GPAM: variants seen among roughly 807,000 people sequenced by gnomAD.
GPAM encodes the protein glycerol-3-phosphate acyltransferase 1, mitochondrial.
A neutral mutation model predicts 105.0 loss-of-function variants in GPAM; 56 were observed. The ratio of observed to expected loss-of-function variants is 0.53; its 90% CI spans 0.43 to 0.67. GPAM has a LOEUF of 0.67. Ranked by LOEUF, GPAM falls within the 30% of genes least tolerant of loss-of-function variation. The pLI is 0.00. For missense variants in GPAM, 855 were observed against 989.8 expected (o/e 0.86, Z 1.83); for synonymous variants, 368 against 354.4 (o/e 1.04, Z -0.43).
intron 1 of GPAM, among the ~76,000 whole-genome samples, chr10:112,204,773 C>T (rs2133299424): frequency 6.7e-6 from 1 of 150,260 alleles, no homozygotes; most frequent in African/African-American, 2.4e-5. Flanking sequence ...GGGATGCCCT[C>T]TCTCACCGCT....
upstream of GPAM, among the ~76,000 whole-genome samples, chr10:112,185,890 G>T (rs1021652815): frequency 2.0e-5 from 3 of 152,092 alleles, no homozygotes; most frequent in African/African-American, 7.2e-5. Context: ...AGTGAGCCTA[G>T]TATACATGCA....
rs1429345889 is a variant in GPAM at position 112,183,747 on chromosome 10, A to C, written c.-182T>G. The C allele has an allele frequency of 6.6e-6, 1 of 152,208 alleles. No homozygotes were observed. The highest frequency in any genetic ancestry group is 2.4e-5 in the African/African-American group (1 of 41,462). The allele number at this position is 152,208 out of a possible 1,614,324, so 9.4% of individuals were successfully genotyped here. A position where few individuals can be genotyped will look rare whatever the true frequency, so the allele number is the denominator to read the frequency against. ...AAGCCCGCACTTCCAGTCCCGGCCA[A>C]TGCCAGCTGCAGTGGCGCACCCTGA... is the stretch of plus-strand genomic sequence containing the variant. On this transcript the variant is annotated 5_prime_UTR_variant, in exon 1 of 22. Transcript: ENST00000348367.
At chr10:112,175,750 C>A (rs746020837) in intron 5 of GPAM, 37 bp from the exon 6 acceptor site, 2 of 1,260,838 alleles carry the variant, frequency 1.6e-6, no homozygotes, top group Admixed American at 1.7e-5. Context: ...ATTAGAGGTA[C>A]CCCTAAAACA....
At chr10:112,167,554 T>C (rs1847239732) in intron 11 of GPAM, among the ~76,000 whole-genome samples, 3 of 152,202 alleles carry the variant, frequency 2.0e-5, no homozygotes, top group South Asian at 2.1e-4. Context: ...ATAGACTACA[T>C]GCAACAATGT....
the GPAM span, among the ~76,000 whole-genome samples, chr10:112,223,341 AGG>A: frequency 6.6e-6 from 1 of 152,234 alleles, no homozygotes; most frequent in Non-Finnish European, 1.5e-5. Context: ...AATAACAACC[AGG>A]GATTTCCAAG....
chr10:112,204,317 T>G (rs1343316049), intron 1 of GPAM, among the ~76,000 whole-genome samples: 11 of 150,882 alleles, frequency 7.3e-5, no homozygotes, highest in African/African-American at 2.7e-4. Flanking sequence ...ACTTCAACCG[T>G]CTGGTGACAC....
chr10:112,152,829 G>C lies in GPAM; in HGVS notation c.*721C>G. 2.6e-6 allele frequency: 1 copy of C among 377,524 alleles called. No homozygotes were observed. The highest frequency in any genetic ancestry group is 3.6e-6 in the Non-Finnish European group (1 of 274,506). The allele number at this position is 377,524 out of a possible 1,614,324, so 23.4% of individuals were successfully genotyped here. A position where few individuals can be genotyped will look rare whatever the true frequency, so the allele number is the denominator to read the frequency against. ...CCTTCAACACCAGTTTTCTGGCCAA[G>C]TTTCCCTAGAATTTTGCCAGCCAAA... On this transcript the variant is annotated 3_prime_UTR_variant, in exon 22 of 22. Coordinates refer to ENST00000348367, the MANE Select transcript of GPAM (RefSeq NM_001244949.2).
rs1033577636 is a variant in GPAM, at chr10:112,173,017, T to C, written c.610A>G (p.Ile204Val). The change falls in exon 8 of 22, where the codon ATT (isoleucine) becomes GTT (valine). Residue 204 changes from isoleucine (I) to valine (V), a missense_variant. Coordinates refer to ENST00000348367, the MANE Select transcript of GPAM (RefSeq NM_001244949.2). ...LKLFNSFFWN[I>V]QIHKGQLEMV... ...TCAAGTTGACCTTTGTGAATTTGAATGTTCCAAAAGAAGCTGTTGAACAGT... is the reference window on the plus strand; with the variant it reads ...TCAAGTTGACCTTTGTGAATTTGAACGTTCCAAAAGAAGCTGTTGAACAGT... 1 of 1,610,450 alleles carries C rather than the reference T, an allele frequency of 6.2e-7. No homozygotes were observed.
At chr10:112,190,019 G>A (rs1410867643) in intron 1 of GPAM, among the ~76,000 whole-genome samples, 1 of 152,114 alleles carries the variant, frequency 6.6e-6, no homozygotes, top group African/African-American at 2.4e-5. Flanking sequence ...CCTATACTCT[G>A]TAAGGAGGAT....
chr10:112,226,664 G>A, the GPAM span, among the ~76,000 whole-genome samples: 1 of 152,310 alleles, frequency 6.6e-6, no homozygotes, highest in African/African-American at 2.4e-5. Context: ...AGAAACAGGT[G>A]GTGAGGTTGT....
chr10:112,200,338 A>G (rs550075052), intron 1 of GPAM, among the ~76,000 whole-genome samples: 1 of 151,626 alleles, frequency 6.6e-6, no homozygotes, highest in Non-Finnish European at 1.5e-5. Context: ...CCGAGATTGG[A>G]GTGCAGTGGC....
At chr10:112,167,828 A>G (rs1326376785) in intron 11 of GPAM, among the ~76,000 whole-genome samples, 1 of 152,220 alleles carries the variant, frequency 6.6e-6, no homozygotes, top group Admixed American at 6.5e-5. Flanking sequence ...TATGATTTAT[A>G]TACTCTTTTG....
At chr10:112,168,246 T>C in intron 11 of GPAM, 66 bp downstream of exon 11, 2 of 955,278 alleles carry the variant, frequency 2.1e-6, no homozygotes, top group Non-Finnish European at 1.7e-6. Context: ...AAAGCAAATG[T>C]AAATTCTAAA....
chr10:112,155,852 G>T lies in GPAM; in HGVS notation c.2311+12C>A. ...AAAAGATTTTAAAAGAATAAATAGT[G>T]ACTTAACATACCATATACTGCAACA... On this transcript the variant is annotated intron_variant, in intron 20 of 21. Transcript: ENST00000348367. The T allele has an allele frequency of 1.9e-5, 26 of 1,382,110 alleles. No individual in the cohort carries two copies. Among genetic ancestry groups the T allele is most frequent in the South Asian group, 3.5e-5 (3 of 85,272 alleles). The allele number at this position is 1,382,110 out of a possible 1,614,324, so 85.6% of individuals were successfully genotyped here.
chr10:112,188,644 A>G (rs1847621983), upstream of GPAM, among the ~76,000 whole-genome samples: 1 of 152,200 alleles, frequency 6.6e-6, no homozygotes, highest in Non-Finnish European at 1.5e-5. Context: ...TGTGAAAGTA[A>G]TGCACATGTA....
intron 13 of GPAM, among the ~76,000 whole-genome samples, chr10:112,164,076 G>A (rs951106917): frequency 2.0e-5 from 3 of 152,124 alleles, no homozygotes; most frequent in Non-Finnish European, 4.4e-5. Flanking sequence ...CATAATTCAA[G>A]ATGCCTTATT....
chr10:112,173,605 AAG>A (rs1389250794), intron 7 of GPAM, 92 bp downstream of exon 7: 42 of 1,170,728 alleles, frequency 3.6e-5, no homozygotes, highest in Non-Finnish European at 4.2e-5. Context: ...CTTTTGGACA[AAG>A]AGAACTGTGC....
intron 4 of GPAM, among the ~76,000 whole-genome samples, chr10:112,178,482 G>A (rs1041109248): frequency 1.3e-4 from 20 of 152,000 alleles, no homozygotes; most frequent in Admixed American, 3.3e-4. Context: ...CCTAAGAGAC[G>A]GAGGTTGCAG....
At chr10:112,227,599 G>C in the GPAM span, among the ~76,000 whole-genome samples, 1 of 152,226 alleles carries the variant, frequency 6.6e-6, no homozygotes. Context: ...CATCCCTGAA[G>C]AAGATGGGCC....
Sources: gnomAD v4.1 joint callset for allele counts (sites outside exome capture counted in the v4.1 genomes callset) on GRCh38, gnomAD v4.1.1 for gene constraint, MANE v1.5 for transcripts, NCBI Gene and HGNC (gene_info 2026-07-23, HGNC 2026-07-21) for gene names.